Variants in ZCWPW2 observed in about 807,000 individuals in gnomAD.
ZCWPW2 encodes the protein zinc finger CW-type and PWWP domain containing 2, also known as zinc finger CW-type PWWP domain protein 2.
Under a neutral mutation model 46.6 loss-of-function variants are expected in ZCWPW2, and 45 were observed. That is an observed-to-expected ratio of 0.96 (90% CI 0.76 to 1.24). The LOEUF is 1.24. Ranked by LOEUF, ZCWPW2 falls within the 50% of genes most tolerant of loss-of-function variation. The probability of loss-of-function intolerance (pLI) is 0.00; values close to 1 mark genes in which losing one functional copy is unlikely to be tolerated. For synonymous variants in ZCWPW2, 152 were observed against 137.1 expected, an observed-to-expected ratio of 1.11 and a Z score of -0.76; for missense variants, 429 against 403.9, an observed-to-expected ratio of 1.06 and a Z score of -0.53.
chr3:28,486,651 G>A (rs1699609515), intron 5 of ZCWPW2, among the ~76,000 whole-genome samples: 1 of 152,128 alleles, frequency 6.6e-6, no homozygotes. Context: ...TGAGACAAGA[G>A]GATCACTTGA....
intron 3 of ZCWPW2, among the ~76,000 whole-genome samples, chr3:28,433,626 G>A (rs989114403): frequency 1.3e-5 from 2 of 151,906 alleles, no homozygotes; most frequent in African/African-American, 4.8e-5. Context: ...CATGGTGGCA[G>A]GCGCCTGTAA....
At chr3:28,476,461 C>A (rs1699241714) in intron 4 of ZCWPW2, among the ~76,000 whole-genome samples, 1 of 152,016 alleles carries the variant, frequency 6.6e-6, no homozygotes, top group South Asian at 2.1e-4. Context: ...TTTCAGTTCC[C>A]CTAAGTCATC....
chr3:28,408,222 A>G (rs992672063), intron 2 of ZCWPW2, among the ~76,000 whole-genome samples: 5 of 152,208 alleles, frequency 3.3e-5, no homozygotes, highest in African/African-American at 1.2e-4. Flanking sequence ...CTTATCTACC[A>G]TTTAAAAGTA....
chr3:28,517,345 G>A (rs1445282738), intron 8 of ZCWPW2, among the ~76,000 whole-genome samples: 1 of 152,184 alleles, frequency 6.6e-6, no homozygotes, highest in Non-Finnish European at 1.5e-5. Context: ...AGTTTTGCAA[G>A]CTTTCTAGGA....
At chr3:28,452,733 C>T (rs1698273810) in intron 4 of ZCWPW2, among the ~76,000 whole-genome samples, 1 of 152,136 alleles carries the variant, frequency 6.6e-6, no homozygotes, top group Admixed American at 6.5e-5. Flanking sequence ...TGTTAGTATT[C>T]GTTGGAAGTA....
chr3:28,381,516 T>C (rs1332024382), intron 1 of ZCWPW2, among the ~76,000 whole-genome samples: 8 of 152,148 alleles, frequency 5.3e-5, no homozygotes, highest in Non-Finnish European at 7.4e-5. Flanking sequence ...AAAGTCTGCA[T>C]GTAAGTGGAC....
chr3:28,412,577 G>C (rs1045754393), intron 2 of ZCWPW2, among the ~76,000 whole-genome samples: 3 of 151,950 alleles, frequency 2.0e-5, no homozygotes, highest in Non-Finnish European at 4.4e-5. Context: ...CAGGACCTGA[G>C]ACAAATTGCT....
chr3:28,404,472 C>T (rs758665169), intron 2 of ZCWPW2, among the ~76,000 whole-genome samples: 3 of 152,032 alleles, frequency 2.0e-5, no homozygotes, highest in Non-Finnish European at 4.4e-5. Flanking sequence ...GTGGAGATTC[C>T]GTAAAGAACT....
At chr3:28,377,690 A>G (rs1404719315) in intron 1 of ZCWPW2, among the ~76,000 whole-genome samples, 2 of 152,066 alleles carry the variant, frequency 1.3e-5, no homozygotes, top group African/African-American at 2.4e-5. Flanking sequence ...TTCTATCCAT[A>G]TAATTTTTTA....
chr3:28,410,210 A>T (rs771202157), intron 2 of ZCWPW2, among the ~76,000 whole-genome samples: 7 of 152,098 alleles, frequency 4.6e-5, no homozygotes, highest in Non-Finnish European at 8.8e-5. Context: ...ATAAGCAAAG[A>T]AACCTGACAA....
chr3:28,449,344 C>T (rs1698136445), intron 4 of ZCWPW2, among the ~76,000 whole-genome samples: 2 of 152,060 alleles, frequency 1.3e-5, no homozygotes, highest in South Asian at 4.1e-4. Context: ...ATTATTTTGC[C>T]TTAAATAGAA....
chr3:28,514,947 T>A (rs1700523714), intron 7 of ZCWPW2, among the ~76,000 whole-genome samples: 1 of 152,134 alleles, frequency 6.6e-6, no homozygotes, highest in South Asian at 2.1e-4. Flanking sequence ...AACTAAATTT[T>A]AAAAATGGAC....
chr3:28,366,914 T>C (rs1026759098), intron 1 of ZCWPW2, among the ~76,000 whole-genome samples: 5 of 152,246 alleles, frequency 3.3e-5, no homozygotes, highest in Admixed American at 2.6e-4. Context: ...CTTCTAGATT[T>C]TCTAGTTTAT....
chr3:28,499,586 C>T (rs1364521102), intron 6 of ZCWPW2, among the ~76,000 whole-genome samples: 1 of 151,968 alleles, frequency 6.6e-6, no homozygotes, highest in Non-Finnish European at 1.5e-5. Flanking sequence ...GAAATTTCTC[C>T]CATTCTGTAG....
rs764562672 is a variant in ZCWPW2, at chr3:28,521,103, A to G, written c.896A>G (p.Asn299Ser). 2.5e-6 allele frequency: 4 copies of G among 1,603,348 alleles called. No individual in the cohort carries two copies. The highest frequency in any genetic ancestry group is 1.1e-5 in the South Asian group (1 of 88,478). ...GAAGAAGGACATGGAGAGGAAATAA[A>G]TATGGGAGAAAAGGTAATATTGATA... is the stretch of plus-strand genomic sequence containing the variant. ...ESEEGHGEEI[N>S]MGEKLSKCSP... The change falls in exon 9 of 10, where the codon AAT (asparagine) becomes AGT (serine). Residue 299 changes from asparagine (N) to serine (S), a missense_variant. Coordinates refer to ENST00000383768, the MANE Select transcript of ZCWPW2 (RefSeq NM_001040432.4).
At chr3:28,398,291 G>A (rs1043300685) in intron 2 of ZCWPW2, 1 of 152,036 alleles carries the variant, frequency 6.6e-6, no homozygotes, top group African/African-American at 2.4e-5. Flanking sequence ...CCATAATGAG[G>A]GCTGTCCTCT....
At chr3:28,447,201 C>A (rs1025641958) in intron 4 of ZCWPW2, among the ~76,000 whole-genome samples, 1 of 151,866 alleles carries the variant, frequency 6.6e-6, no homozygotes, top group African/African-American at 2.4e-5. Flanking sequence ...AAAAACACTG[C>A]AAAGAAAGAA....
intron 2 of ZCWPW2, among the ~76,000 whole-genome samples, chr3:28,407,689 T>C (rs1297290415): frequency 4.6e-5 from 7 of 152,190 alleles, no homozygotes; most frequent in Non-Finnish European, 1.0e-4. Flanking sequence ...CATTCTGTGT[T>C]TTCTATTTTT....
At chr3:28,487,260 C>A (rs1347401407) in intron 5 of ZCWPW2, among the ~76,000 whole-genome samples, 2 of 151,902 alleles carry the variant, frequency 1.3e-5, no homozygotes, top group Non-Finnish European at 2.9e-5. Flanking sequence ...TTCTAGTTGT[C>A]CCACAGTTCT....
Sources: gnomAD v4.1 joint callset for allele counts (sites outside exome capture counted in the v4.1 genomes callset) on GRCh38, gnomAD v4.1.1 for gene constraint, MANE v1.5 for transcripts, NCBI Gene and HGNC (gene_info 2026-07-23, HGNC 2026-07-21) for gene names.